Variants in DAG1 observed in about 807,000 individuals in gnomAD.
The protein encoded by DAG1 is dystroglycan 1 (dystrophin-associated glycoprotein 1).
A neutral mutation model predicts 46.1 loss-of-function variants in DAG1; 8 were observed. That is an observed-to-expected ratio of 0.17 (90% CI 0.10 to 0.31). The LOEUF (loss-of-function observed/expected upper bound fraction) is 0.31. DAG1 is among the 10% of genes least tolerant of loss of function. The pLI, the probability that DAG1 is intolerant of heterozygous loss-of-function variation, is 1.00. For missense variants in DAG1, 1,003 were observed against 1,189.9 expected, an observed-to-expected ratio of 0.84 and a Z score of 2.31; for synonymous variants, 495 against 481.8, an observed-to-expected ratio of 1.03 and a Z score of -0.36.
chr3:49,520,727 T>C (rs1449824615), intron 2 of DAG1, among the ~76,000 whole-genome samples: 5 of 152,164 alleles, frequency 3.3e-5, no homozygotes. Flanking sequence ...TCCAAAAGAT[T>C]TGTAGTGAGA....
At chr3:49,494,656 A>G (rs1479548016) in intron 1 of DAG1, among the ~76,000 whole-genome samples, 1 of 148,560 alleles carries the variant, frequency 6.7e-6, no homozygotes, top group Non-Finnish European at 1.5e-5. Context: ...TTTTTTGGAG[A>G]CAGAGTCTTG....
In DAG1 at chr3:49,535,230, C is replaced by T. The variant is rs1383363705; in HGVS notation, c.*2031C>T. The T allele has an allele frequency of 6.6e-6, 1 of 152,444 alleles. No individual in the cohort carries two copies. The highest frequency in any genetic ancestry group is 1.9e-4 in the East Asian group (1 of 5,196). The allele number at this position is 152,444 out of a possible 1,614,324, so 9.4% of individuals were successfully genotyped here. ...CTGGTGAGATTATTTCTGATGACCT[C>T]ATCAAAAAATAAACAATTCCCAATG... is the stretch of plus-strand genomic sequence containing the variant. On this transcript the variant is annotated 3_prime_UTR_variant, in exon 3 of 3. Transcript: ENST00000308775.
chr3:49,496,353 C>CTTTTT (rs752449720), intron 1 of DAG1, among the ~76,000 whole-genome samples: 1 of 84,126 alleles, frequency 1.2e-5, no homozygotes, highest in Non-Finnish European at 2.3e-5. Flanking sequence ...AAATTTTTAA[C>CTTTTT]TTTTTTTTTT....
At chr3:49,502,902 G>T (rs2107547734) in intron 1 of DAG1, among the ~76,000 whole-genome samples, 1 of 152,260 alleles carries the variant, frequency 6.6e-6, no homozygotes, top group South Asian at 2.1e-4. Context: ...CTCCCAAAGT[G>T]CTGGGATTAC....
chr3:49,488,701 C>T (rs1416463053), intron 1 of DAG1: 1 of 151,944 alleles, frequency 6.6e-6, no homozygotes, highest in Non-Finnish European at 1.5e-5. Context: ...TTCCCAGGGT[C>T]AAGCGATTCC....
Position 49,534,510 on chromosome 3 carries a change from T to A in DAG1, c.*1311T>A, listed in dbSNP as rs2051458108. The A allele has an allele frequency of 6.6e-6, 1 of 152,446 alleles. No individual in the cohort carries two copies. Among genetic ancestry groups the A allele is most frequent in the Admixed American group, 6.5e-5 (1 of 15,274 alleles). 9.4% of individuals were successfully genotyped at this position (152,446 alleles called of 1,614,324 possible). On this transcript the variant is annotated 3_prime_UTR_variant, in exon 3 of 3. Coordinates refer to ENST00000308775, the MANE Select transcript of DAG1 (RefSeq NM_004393.6). ...TTTATACAGCCTCAAATTGTTTTATTAAAAAAAAGATTTAAAATGGTGATG... is the reference window on the plus strand; with the variant it reads ...TTTATACAGCCTCAAATTGTTTTATAAAAAAAAAGATTTAAAATGGTGATG...
At chr3:49,477,073 C>G (rs1331380496) in intron 1 of DAG1, among the ~76,000 whole-genome samples, 1 of 152,202 alleles carries the variant, frequency 6.6e-6, no homozygotes, top group Admixed American at 6.6e-5. Flanking sequence ...TCTTGGCTCA[C>G]TGCAACCTTT....
intron 1 of DAG1, among the ~76,000 whole-genome samples, chr3:49,489,591 A>G (rs987239900): frequency 6.6e-6 from 1 of 152,110 alleles, no homozygotes; most frequent in African/African-American, 2.4e-5. Flanking sequence ...CTAGGAGGGA[A>G]GGTTCCTGGG....
intron 1 of DAG1, among the ~76,000 whole-genome samples, chr3:49,491,272 A>G (rs2050175159): frequency 6.7e-6 from 1 of 149,008 alleles, no homozygotes; most frequent in African/African-American, 2.5e-5. Flanking sequence ...AGCCTCCCGA[A>G]ATGCTGGGAT....
At chr3:49,525,478 A>G (rs769237283) in intron 2 of DAG1, among the ~76,000 whole-genome samples, 12 of 152,112 alleles carry the variant, frequency 7.9e-5, no homozygotes, top group Non-Finnish European at 1.5e-4. Flanking sequence ...GAAGCTTCCA[A>G]TCATAGTGGA....
intron 2 of DAG1, among the ~76,000 whole-genome samples, chr3:49,512,936 A>G (rs2050801906): frequency 6.6e-6 from 1 of 152,102 alleles, no homozygotes; most frequent in Non-Finnish European, 1.5e-5. Flanking sequence ...CATGTGAACT[A>G]AAAGTATTCT....
chr3:49,528,275 ATTTTTTTT>A (rs147292984), intron 2 of DAG1, among the ~76,000 whole-genome samples: 15 of 66,660 alleles, frequency 2.3e-4, no homozygotes, highest in African/African-American at 7.6e-4. Flanking sequence ...AAATAGTGTG[ATTTTTTTT>A]TTTTTTTTTT....
At chr3:49,493,608 A>G (rs7646393) in intron 1 of DAG1, among the ~76,000 whole-genome samples, 148,643 of 152,290 alleles carry the variant, frequency 0.98, 72,655 homozygotes, top group Middle Eastern at 1. Flanking sequence ...AGAGTAATGG[A>G]TTTACTTGAT....
chr3:49,505,338 C>T (rs1393687470), intron 1 of DAG1, among the ~76,000 whole-genome samples: 1 of 152,014 alleles, frequency 6.6e-6, no homozygotes, highest in Non-Finnish European at 1.5e-5. Flanking sequence ...CTGGGTTCCT[C>T]CGTCAGCCTC....
In DAG1 at chr3:49,510,630, C is replaced by T; in HGVS notation, c.96C>T (p.Pro32=). Residue 32 remains proline, a synonymous_variant, in exon 2 of 3, where the codon CCC becomes CCT. Transcript: ENST00000308775. ...TGGTTATGGCTCAGTCCCACTGGCC[C>T]AGTGAACCCTCAGAGGCTGTCAGGG... ...LSVVMAQSHW[P]SEPSEAVRDW... The T allele has an allele frequency of 3.7e-6, 6 of 1,614,144 alleles. No homozygotes were observed. Among genetic ancestry groups the T allele is most frequent in the Non-Finnish European group, 5.1e-6 (6 of 1,180,024 alleles).
In DAG1 at chr3:49,511,029, G is replaced by A. The variant is rs542394376; in HGVS notation, c.285+210G>A. 4 of 945,620 alleles carry A rather than the reference G, an allele frequency of 4.2e-6. No homozygotes were observed. In the South Asian group the frequency reaches 2.0e-4, roughly 46 times the overall value. The allele number at this position is 945,620 out of a possible 1,614,324, so 58.6% of individuals were successfully genotyped here. On this transcript the variant is annotated intron_variant, in intron 2 of 2. Coordinates refer to ENST00000308775, the MANE Select transcript of DAG1 (RefSeq NM_004393.6). The stretch of plus-strand genomic sequence containing the variant: ...ACTGTATTCTTGTTCCTATTCTGAG[G>A]GCATCACCATGTAATAGCCTTTACT...
intron 1 of DAG1, chr3:49,492,739 T>C (rs1004015828): frequency 1.3e-5 from 2 of 152,274 alleles, no homozygotes; most frequent in Middle Eastern, 3.4e-3. Context: ...AAGTACTGGA[T>C]GGGGAGGTGG....
At chr3:49,492,981 C>G (rs2050225492) in intron 1 of DAG1, 1 of 149,256 alleles carries the variant, frequency 6.7e-6, no homozygotes, top group African/African-American at 2.5e-5. Context: ...AATGTGAGCA[C>G]ATAAATGCCC....
intron 2 of DAG1, among the ~76,000 whole-genome samples, chr3:49,527,173 C>T (rs1309815547): frequency 2.7e-5 from 4 of 150,694 alleles, no homozygotes. Flanking sequence ...GGGCAGATCA[C>T]GAGGTCGGGA....
Sources: allele counts gnomAD v4.1 joint callset (sites outside exome capture counted in the v4.1 genomes callset), GRCh38; gene constraint gnomAD v4.1.1; transcripts MANE v1.5; gene names NCBI Gene and HGNC (gene_info 2026-07-23, HGNC 2026-07-21).